VWCE: variants seen among roughly 807,000 people sequenced by gnomAD.
VWCE encodes von Willebrand factor C and EGF domains, also known as von Willebrand factor C and EGF domain-containing protein.
A neutral mutation model predicts 102.9 loss-of-function variants in VWCE; 68 were observed. The observed-to-expected ratio is 0.66, with a 90% CI of 0.54 to 0.81. The LOEUF is 0.81. Among genes scored for constraint, VWCE ranks in the 30% least tolerant of loss-of-function variants. The pLI is 0.00. For synonymous variants in VWCE, 497 were observed against 515.4 expected (o/e 0.96, Z 0.48); for missense variants, 1,137 against 1,263.6 (o/e 0.90, Z 1.52).
intron 10 of VWCE, 32 bp from the exon 11 acceptor site, chr11:61,276,712 T>C: frequency 6.5e-7 from 1 of 1,549,642 alleles, no homozygotes; most frequent in Non-Finnish European, 8.7e-7. Context: ...GCACTGGGGG[T>C]GCGGGTGTGG....
rs947391727 is a variant in VWCE at position 61,289,045 on chromosome 11, G to A, written c.424+1754C>T. ...GTAGAGACGGGGTTTCACCATGTTG[G>A]TCATGGCTGGTCTCGAACCCCTGAC... On this transcript the variant is annotated intron_variant, in intron 4 of 19. Coordinates refer to ENST00000335613, the MANE Select transcript of VWCE (RefSeq NM_152718.2). Among the ~76,000 whole-genome samples, 3 of 151,872 alleles carry A rather than the reference G, an allele frequency of 2.0e-5. No individual in the cohort carries two copies. In the East Asian group the frequency reaches 5.9e-4, roughly 30 times the overall value.
In VWCE at chr11:61,268,988, C is replaced by G; in HGVS notation, c.1816G>C (p.Asp606His). ...ADGSVSCKRT[D>H]CVDSCPHPIR... is the part of the protein sequence containing the mutation. Reference sequence around the variant, plus strand: ...GGGTGAGGGCAGGAGTCCACACAGTCTGTCCTCTTGCAGCTCACCGAGCCA... The same window carrying G: ...GGGTGAGGGCAGGAGTCCACACAGTGTGTCCTCTTGCAGCTCACCGAGCCA... The change falls in exon 15 of 20, where the codon GAC becomes CAC. Residue 606 changes from aspartate (D) to histidine (H), a missense_variant. Physicochemically the swap from Asp to His is moderately conservative, Grantham distance 81. This residue lies in a region of VWCE where 212 missense variants were observed against 235.1 expected (regional missense o/e 0.90). Transcript: ENST00000335613. The G allele has an allele frequency of 6.2e-7, 1 of 1,614,144 alleles. No individual in the cohort carries two copies. The highest frequency in any genetic ancestry group is 8.5e-7 in the Non-Finnish European group (1 of 1,180,042).
Position 61,274,537 on chromosome 11 carries a change from T to C in VWCE, c.1543A>G (p.Ser515Gly). Reference sequence around the variant, plus strand: ...GTGGTACACTCGTCACCACCCCCACTGAACACAGCCCCGTCTGCGTACCAC... The same window carrying C: ...GTGGTACACTCGTCACCACCCCCACCGAACACAGCCCCGTCTGCGTACCAC... ...GRWYADGAVF[S>G]GGGDECTTCV... The change falls in exon 12 of 20, where the codon AGT becomes GGT. Residue 515 changes from serine to glycine, a missense_variant. Ser to Gly is a moderately conservative substitution (Grantham distance 56, BLOSUM62 0). Transcript: ENST00000335613. 1 of 1,613,662 alleles carries C rather than the reference T, an allele frequency of 6.2e-7. No individual in the cohort carries two copies. The highest frequency in any genetic ancestry group is 2.2e-5 in the East Asian group (1 of 44,854).
chr11:61,268,333 CACCTGAGGTTAGGAGATCGAG>C (rs1361198651), intron 15 of VWCE, among the ~76,000 whole-genome samples: 3 of 152,134 alleles, frequency 2.0e-5, no homozygotes, highest in Non-Finnish European at 2.9e-5. Context: ...GCAGGCAGAT[CACCTGAGGTTAGGAGATCGAG>C]ACCAGCCTGG....
At position 61,291,581 on chromosome 11, in the gene VWCE, A is replaced by G; in HGVS notation, c.111-5T>C. On this transcript the variant is annotated splice_region_variant and splice_polypyrimidine_tract_variant and intron_variant, in intron 1 of 19. Transcript: ENST00000335613. ...ACGTGGGGGCCCAGTCGGCGTCTGC[A>G]AGAGAAGAGAGAGCACTTTCCTCAT... 7.0e-7 allele frequency: 1 copy of G among 1,433,744 alleles called. No individual in the cohort carries two copies. Among genetic ancestry groups the G allele is most frequent in the Non-Finnish European group, 9.2e-7 (1 of 1,088,158 alleles). The allele number at this position is 1,433,744 out of a possible 1,614,324, so 88.8% of individuals were successfully genotyped here.
intron 9 of VWCE, among the ~76,000 whole-genome samples, chr11:61,280,230 T>G (rs918741611): frequency 6.6e-6 from 1 of 152,130 alleles, no homozygotes; most frequent in Non-Finnish European, 1.5e-5. Context: ...GGAGGGTAAC[T>G]GGGCAGGAGA....
Position 61,280,791 on chromosome 11 carries a change from AC to A in VWCE, c.1230+1del. On this transcript the variant is annotated splice_donor_variant, in intron 8 of 19. Transcript: ENST00000335613. LOFTEE classifies it high-confidence loss of function. ...GAAGCTCCGGGGACCCCTAGTACCC[AC>A]CTCGCACCAGCACTGGGAACACCCA... 3 of 1,601,752 alleles carry A rather than the reference AC, an allele frequency of 1.9e-6. No homozygotes were observed. The highest frequency in any genetic ancestry group is 2.6e-6 in the Non-Finnish European group (3 of 1,173,884).
chr11:61,286,640 A>G (rs1001347309), intron 4 of VWCE, among the ~76,000 whole-genome samples: 21 of 152,210 alleles, frequency 1.4e-4, no homozygotes, highest in Non-Finnish European at 2.2e-4. Context: ...CGTCTCTACT[A>G]AAAATACAAA....
At chr11:61,274,235 C>T (rs1274786326) in intron 12 of VWCE, among the ~76,000 whole-genome samples, 2 of 152,270 alleles carry the variant, frequency 1.3e-5, no homozygotes, top group East Asian at 3.9e-4. Flanking sequence ...CAGTGGGCTT[C>T]CGGACCAAGG....
At chr11:61,279,577 C>CA (rs1433470347) in intron 9 of VWCE, among the ~76,000 whole-genome samples, 1 of 150,768 alleles carries the variant, frequency 6.6e-6, no homozygotes, top group African/African-American at 2.4e-5. Context: ...AAAACAAAAA[C>CA]AAAAAAACAA....
chr11:61,260,141 G>A (rs976037045), intron 19 of VWCE, among the ~76,000 whole-genome samples: 1 of 152,214 alleles, frequency 6.6e-6, no homozygotes, highest in Admixed American at 6.5e-5. Flanking sequence ...TGTAGTCCCA[G>A]CTACTCGGGA....
intron 10 of VWCE, among the ~76,000 whole-genome samples, chr11:61,277,332 G>A (rs1364057268): frequency 7.3e-5 from 11 of 151,688 alleles, no homozygotes; most frequent in Non-Finnish European, 5.9e-5. Flanking sequence ...GTCATGACCC[G>A]GTGCAGTGGC....
Position 61,276,589 on chromosome 11 carries a change from T to C in VWCE, c.1495+4A>G. On this transcript the variant is annotated splice_donor_region_variant and intron_variant, in intron 11 of 19. Coordinates refer to ENST00000335613, the MANE Select transcript of VWCE (RefSeq NM_152718.2). ...AAGCAAAATGCTCCAAGAGTGTCAC[T>C]TACCTGGAACACAAGTACAGCAATC... 1 of 1,556,074 alleles carries C rather than the reference T, an allele frequency of 6.4e-7. No homozygotes were observed. Among genetic ancestry groups the C allele is most frequent in the Non-Finnish European group, 8.7e-7 (1 of 1,154,682 alleles).
chr11:61,265,059 G>T, intron 17 of VWCE, 21 bp from the exon 18 acceptor site: 1 of 1,614,170 alleles, frequency 6.2e-7, no homozygotes, highest in Non-Finnish European at 8.5e-7. Context: ...AGGGGAGACA[G>T]GAGCCCATGA....
chr11:61,290,090 C>A (rs563032006), intron 4 of VWCE, among the ~76,000 whole-genome samples: 1 of 152,346 alleles, frequency 6.6e-6, no homozygotes, highest in African/African-American at 2.4e-5. Flanking sequence ...CCTCCCCTGG[C>A]CAACCCTCCC....
intron 4 of VWCE, among the ~76,000 whole-genome samples, chr11:61,287,717 G>A (rs1426158553): frequency 3.9e-5 from 6 of 152,130 alleles, no homozygotes; most frequent in Non-Finnish European, 7.4e-5. Flanking sequence ...CAGGAGTATC[G>A]GGAGAAGGAC....
In VWCE at chr11:61,267,553, G is replaced by C. The variant is rs1854551195; in HGVS notation, c.1883-9C>G. ...GCCTGTGTAGGTGCAGCCTGCCAGAGAGAGCATGCGCTGAGCACCAGCTGG... is the reference window on the plus strand; with the variant it reads ...GCCTGTGTAGGTGCAGCCTGCCAGACAGAGCATGCGCTGAGCACCAGCTGG... On this transcript the variant is annotated splice_polypyrimidine_tract_variant and intron_variant, in intron 15 of 19. Transcript: ENST00000335613. 6.2e-7 allele frequency: 1 copy of C among 1,613,916 alleles called. No individual in the cohort carries two copies. The highest frequency in any genetic ancestry group is 1.3e-5 in the African/African-American group (1 of 74,946).
At chr11:61,276,426 C>A (rs1448619378) in intron 11 of VWCE, among the ~76,000 whole-genome samples, 167 bp downstream of exon 11, 2 of 149,624 alleles carry the variant, frequency 1.3e-5, no homozygotes, top group African/African-American at 2.5e-5. Flanking sequence ...AAAAAAGGAG[C>A]AAAATGCAAA....
chr11:61,271,944 C>T (rs1854720190), intron 13 of VWCE, among the ~76,000 whole-genome samples, 184 bp from the exon 14 acceptor site: 2 of 152,104 alleles, frequency 1.3e-5, no homozygotes, highest in South Asian at 4.1e-4. Flanking sequence ...GATACACATA[C>T]ACTCATACAA....
Sources: allele counts gnomAD v4.1 joint callset (sites outside exome capture counted in the v4.1 genomes callset), GRCh38; gene constraint gnomAD v4.1.1; regional missense constraint gnomAD v4.1.1; transcripts MANE v1.5; gene names NCBI Gene and HGNC (gene_info 2026-07-23, HGNC 2026-07-21).